Variants in PEX5L observed in about 807,000 individuals in gnomAD.
PEX5L encodes peroxisomal biogenesis factor 5 like, also known as PEX5-related protein.
PEX5L carries 30 observed loss-of-function variants against 84.0 expected under a neutral mutation model. That is an observed-to-expected ratio of 0.36 (90% CI 0.27 to 0.48). PEX5L has a LOEUF of 0.48. Among genes scored for constraint, PEX5L ranks in the 20% least tolerant of loss-of-function variants. The pLI, the probability that PEX5L is intolerant of heterozygous loss-of-function variation, is 0.99. For synonymous variants in PEX5L, 270 were observed against 283.1 expected (o/e 0.95, Z 0.46); for missense variants, 533 against 754.6 (o/e 0.71, Z 3.44).
chr3:179,814,108 A>G (rs1725119164), intron 10 of PEX5L, among the ~76,000 whole-genome samples: 1 of 152,006 alleles, frequency 6.6e-6, no homozygotes, highest in Non-Finnish European at 1.5e-5. Flanking sequence ...GGCATGAGGC[A>G]CCACGCTTGG....
intron 1 of PEX5L, among the ~76,000 whole-genome samples, chr3:180,026,842 G>A (rs1579403377): frequency 1.3e-5 from 2 of 151,950 alleles, no homozygotes; most frequent in African/African-American, 4.8e-5. Flanking sequence ...AACATGTTAC[G>A]GTGGACATTC....
intron 1 of PEX5L, among the ~76,000 whole-genome samples, chr3:180,011,434 G>C (rs1455341223): frequency 1.3e-5 from 2 of 152,162 alleles, no homozygotes; most frequent in East Asian, 3.9e-4. Context: ...ACAGTAGCAT[G>C]CTCCTCCAGA....
chr3:179,894,799 C>A (rs755387732), intron 3 of PEX5L, among the ~76,000 whole-genome samples: 2 of 151,938 alleles, frequency 1.3e-5, no homozygotes, highest in Non-Finnish European at 2.9e-5. Context: ...CAAGAAGAGA[C>A]CTGCAACACA....
At chr3:179,932,305 A>C (rs1773331417) in intron 2 of PEX5L, among the ~76,000 whole-genome samples, 1 of 152,116 alleles carries the variant, frequency 6.6e-6, no homozygotes, top group Non-Finnish European at 1.5e-5. Flanking sequence ...ATATGTAAGA[A>C]TACCTTTTAA....
At chr3:180,024,531 C>T (rs1338147956) in intron 1 of PEX5L, among the ~76,000 whole-genome samples, 1 of 130,784 alleles carries the variant, frequency 7.6e-6, no homozygotes, top group Non-Finnish European at 1.6e-5. Context: ...GGAGATGGAG[C>T]GAGACTCCGT....
At chr3:179,808,544 T>G (rs1172792789) in intron 12 of PEX5L, 107 bp from the exon 13 acceptor site, 2 of 830,550 alleles carry the variant, frequency 2.4e-6, no homozygotes, top group African/African-American at 3.5e-5. Context: ...CGTTACAGAC[T>G]GGAAAATTTT....
chr3:179,818,393 G>A (rs1306513937), intron 9 of PEX5L, among the ~76,000 whole-genome samples: 1 of 151,688 alleles, frequency 6.6e-6, no homozygotes, highest in East Asian at 1.9e-4. Flanking sequence ...GTCACATCAG[G>A]GTAAATGGGA....
chr3:179,912,756 C>A (rs1765628510), intron 2 of PEX5L, among the ~76,000 whole-genome samples: 1 of 151,970 alleles, frequency 6.6e-6, no homozygotes, highest in South Asian at 2.1e-4. Context: ...GACAAAAAAC[C>A]TGATTAACTA....
At chr3:180,015,831 A>G (rs1385536430) in intron 1 of PEX5L, among the ~76,000 whole-genome samples, 2 of 149,452 alleles carry the variant, frequency 1.3e-5, no homozygotes, top group Non-Finnish European at 3.0e-5. Flanking sequence ...GTCTTGATAC[A>G]TAGGAGGTAC....
chr3:179,844,814 A>C (rs1250987112), intron 8 of PEX5L, among the ~76,000 whole-genome samples: 2 of 152,240 alleles, frequency 1.3e-5, no homozygotes, highest in African/African-American at 4.8e-5. Flanking sequence ...TGGGCGACAG[A>C]GCGAGACTCC....
intron 1 of PEX5L, among the ~76,000 whole-genome samples, chr3:180,036,079 C>T (rs973895370): frequency 6.6e-6 from 1 of 152,132 alleles, no homozygotes; most frequent in African/African-American, 2.4e-5. Flanking sequence ...ATGGCAATGT[C>T]CCATAATGTG....
chr3:179,857,685 T>C (rs890554110), intron 8 of PEX5L, among the ~76,000 whole-genome samples: 1 of 152,244 alleles, frequency 6.6e-6, no homozygotes, highest in African/African-American at 2.4e-5. Flanking sequence ...ATGTCTTTAC[T>C]TACCCAAGAT....
chr3:179,984,739 A>G (rs1786650318), intron 1 of PEX5L, among the ~76,000 whole-genome samples: 1 of 152,188 alleles, frequency 6.6e-6, no homozygotes, highest in African/African-American at 2.4e-5. Flanking sequence ...GCCAAAAATT[A>G]TCTCATTAGC....
intron 8 of PEX5L, among the ~76,000 whole-genome samples, chr3:179,858,097 A>G (rs1744696437): frequency 6.6e-6 from 1 of 152,160 alleles, no homozygotes; most frequent in Non-Finnish European, 1.5e-5. Flanking sequence ...CGCTTCAGGT[A>G]TAGAGGTACT....
In PEX5L at chr3:179,797,524, C is replaced by CGTTT. The variant is rs573756910; in HGVS notation, c.*4300_*4303dup. 3 of 146,618 alleles carry CGTTT rather than the reference C, an allele frequency of 2.0e-5. No homozygotes were observed. Among genetic ancestry groups the CGTTT allele is most frequent in the Non-Finnish European group, 3.0e-5 (2 of 67,250 alleles). 9.1% of individuals were successfully genotyped at this position (146,618 alleles called of 1,614,324 possible). On this transcript the variant is annotated 3_prime_UTR_variant, in exon 15 of 15. Transcript: ENST00000467460. ...CAATATTTTTGTACCTGAGGTTATA[C>CGTTT]GTTTTGCTTTTAAAAAATTGCTTTT...
chr3:180,036,758 C>G lies in PEX5L; in HGVS notation c.-159G>C. The G allele has an allele frequency of 1.4e-6, 1 of 734,328 alleles. No individual in the cohort carries two copies. Among genetic ancestry groups the G allele is most frequent in the South Asian group, 1.5e-5 (1 of 66,074 alleles). 45.5% of individuals were successfully genotyped at this position (734,328 alleles called of 1,614,324 possible). On this transcript the variant is annotated 5_prime_UTR_variant, in exon 1 of 15. Coordinates refer to ENST00000467460, the MANE Select transcript of PEX5L (RefSeq NM_016559.3). ...CGGGTACTCGGCCGGCCGGCGGCCA[C>G]TCGGCAGCGCTGCGGGCTGCCGGGA...
At chr3:179,804,773 G>A (rs895864849) in intron 14 of PEX5L, among the ~76,000 whole-genome samples, 3 of 152,140 alleles carry the variant, frequency 2.0e-5, no homozygotes, top group Non-Finnish European at 4.4e-5. Flanking sequence ...TATTTCCTGA[G>A]TATGCACTTA....
chr3:179,903,749 T>G (rs4855123), intron 2 of PEX5L, among the ~76,000 whole-genome samples: 22,528 of 152,184 alleles, frequency 0.15, 1,790 homozygotes, highest in South Asian at 0.3. Flanking sequence ...GGGCAATATT[T>G]TGCAGTGTCC....
intron 1 of PEX5L, among the ~76,000 whole-genome samples, chr3:179,988,569 T>C (rs1229881162): frequency 6.6e-6 from 1 of 152,154 alleles, no homozygotes; most frequent in Non-Finnish European, 1.5e-5. Flanking sequence ...AAACTTAATA[T>C]TTCATAATAA....
Sources: allele counts gnomAD v4.1 joint callset (sites outside exome capture counted in the v4.1 genomes callset), GRCh38; gene constraint gnomAD v4.1.1; transcripts MANE v1.5; gene names NCBI Gene and HGNC (gene_info 2026-07-23, HGNC 2026-07-21).